Variants in ZNF423 observed in about 807,000 individuals in gnomAD.
ZNF423 encodes Ebf-associated zinc finger protein.
In ZNF423, 12 loss-of-function variants were observed where a neutral mutation model predicts 95.8. The observed-to-expected ratio is 0.13, with a 90% CI of 0.08 to 0.20. ZNF423 has a LOEUF of 0.20. Among genes scored for constraint, ZNF423 ranks in the 10% least tolerant of loss-of-function variants. ZNF423 has a pLI of 1.00. For missense variants in ZNF423, 1,316 were observed against 1,737.1 expected, an observed-to-expected ratio of 0.76 and a Z score of 4.31; for synonymous variants, 749 against 711.9, an observed-to-expected ratio of 1.05 and a Z score of -0.83.
At chr16:49,495,304 G>C (rs1371623292) in intron 7 of ZNF423, among the ~76,000 whole-genome samples, 1 of 152,194 alleles carries the variant, frequency 6.6e-6, no homozygotes, top group South Asian at 2.1e-4. Context: ...GGCACACGGG[G>C]CCAGGGACAC....
chr16:49,631,417 A>C (rs1972490945), intron 4 of ZNF423, among the ~76,000 whole-genome samples: 1 of 148,370 alleles, frequency 6.7e-6, no homozygotes, highest in Non-Finnish European at 1.5e-5. Flanking sequence ...CCCCACTCTC[A>C]ACCCCCCTGG....
intron 5 of ZNF423, among the ~76,000 whole-genome samples, chr16:49,620,162 CCACACACACACAA>C (rs1972014562): frequency 6.8e-6 from 1 of 147,042 alleles, no homozygotes; most frequent in Non-Finnish European, 1.5e-5. Flanking sequence ...CACACACACA[CCACACACACACAA>C]CACACACATA....
chr16:49,514,238 A>G (rs563621661), intron 7 of ZNF423, among the ~76,000 whole-genome samples: 8 of 141,332 alleles, frequency 5.7e-5, no homozygotes, highest in African/African-American at 2.3e-4. Context: ...GTACACACAC[A>G]CGCACACGCA....
At chr16:49,616,678 G>A (rs565614573) in intron 5 of ZNF423, among the ~76,000 whole-genome samples, 1 of 152,096 alleles carries the variant, frequency 6.6e-6, no homozygotes, top group East Asian at 1.9e-4. Context: ...ATGAAAAATC[G>A]GCTTGATTGG....
At chr16:49,750,846 C>T (rs1567326407) in intron 2 of ZNF423, among the ~76,000 whole-genome samples, 1 of 152,186 alleles carries the variant, frequency 6.6e-6, no homozygotes. Context: ...GAGGAAGCAG[C>T]GTGAGCCAAG....
intron 2 of ZNF423, among the ~76,000 whole-genome samples, chr16:49,786,796 G>A (rs1282192129): frequency 2.0e-5 from 3 of 152,380 alleles, no homozygotes; most frequent in Middle Eastern, 3.4e-3. Flanking sequence ...AAATGAGGAT[G>A]GGGATTCTCA....
intron 1 of ZNF423, chr16:49,822,879 A>C: frequency 1.7e-6 from 1 of 576,318 alleles, no homozygotes; most frequent in Non-Finnish European, 2.9e-6. Flanking sequence ...GTAGTCATCT[A>C]CGCAGCCAGG....
At chr16:49,644,537 T>C (rs1973100759) in intron 3 of ZNF423, among the ~76,000 whole-genome samples, 1 of 150,000 alleles carries the variant, frequency 6.7e-6, no homozygotes, top group Middle Eastern at 3.4e-3. Context: ...GTGATGTGTA[T>C]TTGCAACCCC....
At chr16:49,827,446 C>T (rs553130499) in intron 1 of ZNF423, among the ~76,000 whole-genome samples, 34 of 152,260 alleles carry the variant, frequency 2.2e-4, no homozygotes, top group Non-Finnish European at 4.1e-4. Context: ...CAGCAAGAAC[C>T]CTACCTAGTC....
intron 3 of ZNF423, among the ~76,000 whole-genome samples, chr16:49,653,123 TGCAGCG>T (rs995293495): frequency 6.6e-6 from 1 of 152,160 alleles, no homozygotes; most frequent in African/African-American, 2.4e-5. Flanking sequence ...CAGGCAGGGC[TGCAGCG>T]GCAAAACCTC....
chr16:49,817,601 G>A (rs1446683630), intron 1 of ZNF423, among the ~76,000 whole-genome samples: 1 of 152,182 alleles, frequency 6.6e-6, no homozygotes, highest in African/African-American at 2.4e-5. Context: ...GCCTGATTGA[G>A]GACAGCTGGG....
intron 1 of ZNF423, among the ~76,000 whole-genome samples, chr16:49,851,699 G>C (rs367605997): frequency 7.7e-4 from 118 of 152,316 alleles, no homozygotes; most frequent in African/African-American, 2.8e-3. Context: ...ATGAATGCAC[G>C]CTAGGCACCT....
intron 3 of ZNF423, among the ~76,000 whole-genome samples, chr16:49,642,259 C>G (rs1299559444): frequency 1.3e-5 from 2 of 152,084 alleles, no homozygotes; most frequent in African/African-American, 2.4e-5. Context: ...GAGGAACTGG[C>G]CCCCAGTACC....
intron 3 of ZNF423, among the ~76,000 whole-genome samples, chr16:49,695,927 G>A (rs2031953909): frequency 6.6e-6 from 1 of 152,188 alleles, no homozygotes; most frequent in African/African-American, 2.4e-5. Context: ...CCCTGAGGTG[G>A]GTACTATTAT....
chr16:49,608,932 G>A (rs9927662), intron 5 of ZNF423, among the ~76,000 whole-genome samples: 33,866 of 152,058 alleles, frequency 0.22, 4,225 homozygotes, highest in African/African-American at 0.33. Context: ...TGTTAATGTG[G>A]CATCAGAGAA....
intron 2 of ZNF423, among the ~76,000 whole-genome samples, chr16:49,747,372 T>C (rs183252813): frequency 5.1e-4 from 78 of 152,198 alleles, no homozygotes; most frequent in African/African-American, 1.8e-3. Context: ...TGGTAAAATA[T>C]GGTATCTATA....
intron 1 of ZNF423, among the ~76,000 whole-genome samples, chr16:49,830,140 G>A (rs1263732034): frequency 6.6e-6 from 1 of 152,158 alleles, no homozygotes; most frequent in African/African-American, 2.4e-5. Context: ...TTGGGAGAAG[G>A]GTCAGGGAAG....
chr16:49,840,342 G>A (rs557278785), intron 1 of ZNF423, among the ~76,000 whole-genome samples: 45 of 152,120 alleles, frequency 3.0e-4, no homozygotes, highest in Non-Finnish European at 5.7e-4. Context: ...TTGGGGGGGT[G>A]GAACATCAAC....
intron 1 of ZNF423, among the ~76,000 whole-genome samples, chr16:49,844,952 T>C (rs1309828918): frequency 7.2e-6 from 1 of 138,920 alleles, no homozygotes; most frequent in Non-Finnish European, 1.5e-5. Context: ...GGAGAATCAT[T>C]TGAACCCAGG....
Sources: allele counts gnomAD v4.1 joint callset (sites outside exome capture counted in the v4.1 genomes callset), GRCh38; gene constraint gnomAD v4.1.1; transcripts MANE v1.5; gene names NCBI Gene and HGNC (gene_info 2026-07-23, HGNC 2026-07-21).